The following NCOA7 variants were observed in gnomAD, a reference collection of about 807,000 sequenced individuals.
NCOA7 encodes the protein nuclear receptor coactivator 7.
Under a neutral mutation model 104.3 loss-of-function variants are expected in NCOA7, and 45 were observed. That is an observed-to-expected ratio of 0.43 (90% CI 0.34 to 0.55). NCOA7 has a LOEUF of 0.55. Ranked by LOEUF, NCOA7 falls within the 20% of genes least tolerant of loss-of-function variation. NCOA7 has a pLI of 0.02. For missense variants in NCOA7, 1,041 were observed against 1,119.7 expected, an observed-to-expected ratio of 0.93 and a Z score of 1.00; for synonymous variants, 398 against 402.3, an observed-to-expected ratio of 0.99 and a Z score of 0.13.
At chr6:125,899,996 A>G (rs749753049) in intron 10 of NCOA7, 1 of 533,170 alleles carries the variant, frequency 1.9e-6, no homozygotes, top group Non-Finnish European at 3.9e-6. Flanking sequence ...ATCCCTGCCA[A>G]TGGGTGCTGC....
At chr6:125,798,977 T>G (rs1484914288) in intron 1 of NCOA7, among the ~76,000 whole-genome samples, 1 of 152,118 alleles carries the variant, frequency 6.6e-6, no homozygotes, top group African/African-American at 2.4e-5. Context: ...TGCATTTAGC[T>G]CTCTTGCTTT....
rs1453188613 is a variant in NCOA7 at position 125,830,737 on chromosome 6, A to ATATGTGTG, written c.50+15334_50+15335insATGTGTGT. 3.6e-3 allele frequency among the ~76,000 whole-genome samples: 338 copies of ATATGTGTG among 92,960 alleles called. 1 individual carries two copies. Among genetic ancestry groups the ATATGTGTG allele is most frequent in the African/African-American group, 0.014 (327 of 22,600 alleles). 61.0% of individuals were successfully genotyped at this position (92,960 alleles called of 152,430 possible). On this transcript the variant is annotated intron_variant, in intron 2 of 15. Coordinates refer to ENST00000392477, the MANE Select transcript of NCOA7 (RefSeq NM_181782.5). ...CTATATATTTTATATATATATATAT[A>ATATGTGTG]TGTGTGTGTGTGTGTGTGTGTGTAT...
intron 4 of NCOA7, among the ~76,000 whole-genome samples, chr6:125,877,942 C>T (rs1258675050): frequency 6.6e-6 from 1 of 152,148 alleles, no homozygotes; most frequent in African/African-American, 2.4e-5. Flanking sequence ...CTGTGTACAT[C>T]GTATTTCTTT....
intron 2 of NCOA7, among the ~76,000 whole-genome samples, chr6:125,834,461 A>G (rs1484839162): frequency 6.6e-6 from 1 of 152,202 alleles, no homozygotes; most frequent in Non-Finnish European, 1.5e-5. Flanking sequence ...AAAACAACCT[A>G]AGCTAACTTC....
At chr6:125,871,169 G>C (rs1009002913) in intron 3 of NCOA7, among the ~76,000 whole-genome samples, 1 of 152,202 alleles carries the variant, frequency 6.6e-6, no homozygotes, top group Non-Finnish European at 1.5e-5. Context: ...GTGAGAATTT[G>C]GGTAGGTAGA....
intron 1 of NCOA7, among the ~76,000 whole-genome samples, chr6:125,792,692 A>C (rs1774968917): frequency 6.6e-6 from 1 of 152,152 alleles, no homozygotes; most frequent in Non-Finnish European, 1.5e-5. Flanking sequence ...GAAACACATC[A>C]GTTTCCAAAT....
chr6:125,832,642 T>G (rs543706220), intron 2 of NCOA7, among the ~76,000 whole-genome samples: 4 of 152,324 alleles, frequency 2.6e-5, no homozygotes, highest in Non-Finnish European at 4.4e-5. Flanking sequence ...GAGCCTTCAC[T>G]TAGGGCCCTT....
At chr6:125,890,940 CT>C in intron 10 of NCOA7, 130 bp downstream of exon 10, 1 of 934,692 alleles carries the variant, frequency 1.1e-6, no homozygotes, top group Non-Finnish European at 1.5e-6. Context: ...TTTTAGAATT[CT>C]AGAAGGATAT....
chr6:125,876,309 A>G (rs1020438898), intron 4 of NCOA7, among the ~76,000 whole-genome samples: 22 of 152,218 alleles, frequency 1.4e-4, no homozygotes, highest in African/African-American at 4.8e-4. Context: ...TCTAAAGTGT[A>G]TAAGCATAGT....
chr6:125,928,131 C>T (rs1421230448), intron 14 of NCOA7, 43 bp from the exon 15 acceptor site: 1 of 1,510,412 alleles, frequency 6.6e-7, no homozygotes, highest in Non-Finnish European at 9.2e-7. Context: ...GCTAATTCTC[C>T]AGATTAAAAT....
At position 125,803,012 on chromosome 6, in the gene NCOA7, A is replaced by G. The variant is rs182327822; in HGVS notation, c.-65+11945A>G. ...CATATTTTGCTAACCACAATACTAC[A>G]TGCCTCTCTCTGTTGTTACCAAGAC... On this transcript the variant is annotated intron_variant, in intron 1 of 15. Transcript: ENST00000392477. 2.4e-3 allele frequency among the ~76,000 whole-genome samples: 370 copies of G among 152,312 alleles called. 1 individual carries two copies. The highest frequency in any genetic ancestry group is 8.4e-3 in the African/African-American group (350 of 41,564).
chr6:125,824,832 C>T (rs1227169168), intron 2 of NCOA7, among the ~76,000 whole-genome samples: 1 of 152,124 alleles, frequency 6.6e-6, no homozygotes, highest in African/African-American at 2.4e-5. Context: ...GATCTCGGCT[C>T]ACTGCAAGCT....
At chr6:125,867,665 C>T (rs1782549121) in intron 3 of NCOA7, among the ~76,000 whole-genome samples, 1 of 152,100 alleles carries the variant, frequency 6.6e-6, no homozygotes, top group Non-Finnish European at 1.5e-5. Flanking sequence ...TTCTTTATGA[C>T]CTGAAATACT....
intron 8 of NCOA7, 43 bp downstream of exon 8, chr6:125,885,386 A>G (rs1784172719): frequency 6.3e-7 from 1 of 1,596,858 alleles, no homozygotes; most frequent in African/African-American, 1.3e-5. Flanking sequence ...GGGTGTTGAG[A>G]GAGCTAAATG....
chr6:125,815,319 A>G lies in NCOA7; in HGVS notation c.-36A>G. 1 of 1,529,846 alleles carries G rather than the reference A, an allele frequency of 6.5e-7. No individual in the cohort carries two copies. The highest frequency in any genetic ancestry group is 2.3e-5 in the East Asian group (1 of 43,646). The allele number at this position is 1,529,846 out of a possible 1,614,324, so 94.8% of individuals were successfully genotyped here. Reference sequence around the variant, plus strand: ...TACGACTCACTGATTAAAAAGAGGGACTTTTTCAAATACTTTGCACTTTTG... The same window carrying G: ...TACGACTCACTGATTAAAAAGAGGGGCTTTTTCAAATACTTTGCACTTTTG... On this transcript the variant is annotated 5_prime_UTR_variant, in exon 2 of 16. Coordinates refer to ENST00000392477, the MANE Select transcript of NCOA7 (RefSeq NM_181782.5).
chr6:125,807,768 G>GA (rs1583260373), intron 1 of NCOA7, among the ~76,000 whole-genome samples: 1 of 152,084 alleles, frequency 6.6e-6, no homozygotes, highest in East Asian at 1.9e-4. Flanking sequence ...CAGGGCATAA[G>GA]AAAAAATACT....
intron 2 of NCOA7, among the ~76,000 whole-genome samples, chr6:125,837,287 A>G (rs1472069499): frequency 1.3e-5 from 2 of 152,178 alleles, no homozygotes; most frequent in Non-Finnish European, 2.9e-5. Flanking sequence ...CCTTTAAGGC[A>G]TCTTCAGAAA....
chr6:125,835,004 G>T (rs931144212), intron 2 of NCOA7, among the ~76,000 whole-genome samples: 1 of 152,206 alleles, frequency 6.6e-6, no homozygotes, highest in African/African-American at 2.4e-5. Context: ...CGGGAAGTAA[G>T]ATGTGATTGC....
At chr6:125,884,102 T>C (rs1267336956) in intron 7 of NCOA7, among the ~76,000 whole-genome samples, 1 of 152,210 alleles carries the variant, frequency 6.6e-6, no homozygotes, top group Non-Finnish European at 1.5e-5. Context: ...AGTGAGATCA[T>C]GCAGTATTTA....
Sources: allele counts gnomAD v4.1 joint callset (sites outside exome capture counted in the v4.1 genomes callset), GRCh38; gene constraint gnomAD v4.1.1; transcripts MANE v1.5; gene names NCBI Gene and HGNC (gene_info 2026-07-23, HGNC 2026-07-21).